Variants in IPO11 observed in about 807,000 individuals in gnomAD.
IPO11 encodes the protein importin-11.
Under a neutral mutation model 143.2 loss-of-function variants are expected in IPO11, and 66 were observed. The observed-to-expected ratio is 0.46, with a 90% CI of 0.38 to 0.57. The LOEUF (loss-of-function observed/expected upper bound fraction) is 0.57. IPO11 is among the 20% of genes least tolerant of loss of function. The pLI, the probability that IPO11 is intolerant of heterozygous loss-of-function variation, is 0.00. For synonymous variants in IPO11, 385 were observed against 377.8 expected (o/e 1.02, Z -0.22); for missense variants, 1,026 against 1,141.0 (o/e 0.90, Z 1.45).
At chr5:62,496,688 C>CATGT (rs1233467506) in intron 16 of IPO11, among the ~76,000 whole-genome samples, 3 of 152,040 alleles carry the variant, frequency 2.0e-5, no homozygotes, top group Non-Finnish European at 4.4e-5. Context: ...CATATAGAGA[C>CATGT]ATGTATGTAT....
At chr5:62,435,112 A>ATG (rs1744140948) in intron 1 of IPO11, among the ~76,000 whole-genome samples, 2 of 78,488 alleles carry the variant, frequency 2.5e-5, no homozygotes, top group African/African-American at 5.2e-5. Context: ...ATATATATGT[A>ATG]TATATGTATA....
intron 21 of IPO11, among the ~76,000 whole-genome samples, chr5:62,529,302 TATG>T (rs1362239499): frequency 1.3e-5 from 2 of 152,134 alleles, no homozygotes; most frequent in African/African-American, 2.4e-5. Flanking sequence ...TTAAATGTAA[TATG>T]ATCATTTAAA....
intron 1 of IPO11, among the ~76,000 whole-genome samples, chr5:62,416,989 T>A (rs1038880069): frequency 1.3e-5 from 2 of 152,148 alleles, no homozygotes; most frequent in African/African-American, 4.8e-5. Context: ...GGCCTTGGCC[T>A]CCTGAAGTGT....
At chr5:62,419,004 A>G in intron 1 of IPO11, 2 of 1,549,514 alleles carry the variant, frequency 1.3e-6, no homozygotes, top group Non-Finnish European at 1.7e-6. Flanking sequence ...CATCATATGA[A>G]CAAACCTAGA....
chr5:62,596,862 C>G (rs1284007152), intron 28 of IPO11, among the ~76,000 whole-genome samples: 2 of 152,196 alleles, frequency 1.3e-5, no homozygotes, highest in East Asian at 1.9e-4. Context: ...CCAGCTTTCT[C>G]TCTTGTCTCC....
At chr5:62,415,733 G>C (rs1243731453) in intron 1 of IPO11, among the ~76,000 whole-genome samples, 1 of 151,964 alleles carries the variant, frequency 6.6e-6, no homozygotes, top group African/African-American at 2.4e-5. Flanking sequence ...CTCCCAAAGT[G>C]CTGGGATTAC....
At position 62,556,314 on chromosome 5, in the gene IPO11, G is replaced by T. The variant is rs544612409; in HGVS notation, c.2461-4822G>T. Among the ~76,000 whole-genome samples, 3 of 152,250 alleles carry T rather than the reference G, an allele frequency of 2.0e-5. No individual in the cohort carries two copies. The East Asian group carries it at 5.8e-4, about 29-fold the overall frequency. On this transcript the variant is annotated intron_variant, in intron 26 of 29. Transcript: ENST00000325324. ...CTCTCCAGTCTGGGTGATAGAGTGAGACTCTGTCTCAAAAATAAGTAAATA... is the reference window on the plus strand; with the variant it reads ...CTCTCCAGTCTGGGTGATAGAGTGATACTCTGTCTCAAAAATAAGTAAATA...
At chr5:62,593,614 A>G (rs1001532575) in intron 28 of IPO11, among the ~76,000 whole-genome samples, 2 of 152,206 alleles carry the variant, frequency 1.3e-5, no homozygotes, top group African/African-American at 4.8e-5. Flanking sequence ...AAGAGGGAAT[A>G]TGTTGGAAGT....
chr5:62,452,759 T>C (rs567834121), intron 5 of IPO11, among the ~76,000 whole-genome samples: 5 of 114,970 alleles, frequency 4.3e-5, no homozygotes, highest in Non-Finnish European at 5.2e-5. Context: ...TGTGTGTGTG[T>C]GCACGCATTT....
intron 9 of IPO11, among the ~76,000 whole-genome samples, chr5:62,477,187 C>T (rs530785317): frequency 3.9e-5 from 6 of 152,166 alleles, no homozygotes; most frequent in East Asian, 1.9e-4. Flanking sequence ...ATAGGGGGTG[C>T]GCTGTGGTAG....
At chr5:62,450,278 A>C (rs542679729) in intron 4 of IPO11, among the ~76,000 whole-genome samples, 3 of 152,282 alleles carry the variant, frequency 2.0e-5, no homozygotes, top group East Asian at 1.9e-4. Context: ...AAATCTCTCT[A>C]TATAGTCACG....
chr5:62,566,500 A>G (rs1743944147), intron 27 of IPO11, among the ~76,000 whole-genome samples: 1 of 152,080 alleles, frequency 6.6e-6, no homozygotes, highest in Non-Finnish European at 1.5e-5. Flanking sequence ...TGGGAGGCCG[A>G]GGCAGGCAGA....
chr5:62,580,012 A>G (rs751909556), intron 27 of IPO11: 13 of 1,551,232 alleles, frequency 8.4e-6, no homozygotes, highest in Non-Finnish European at 1.1e-5. Flanking sequence ...AAACAATAAC[A>G]TTTTGAGGAT....
chr5:62,473,814 G>T (rs1330432065), intron 7 of IPO11, among the ~76,000 whole-genome samples: 1 of 151,538 alleles, frequency 6.6e-6, no homozygotes, highest in African/African-American at 2.4e-5. Flanking sequence ...CTTAGAATAT[G>T]TTTTCAAAAA....
chr5:62,481,135 G>A (rs1427612982), intron 9 of IPO11, among the ~76,000 whole-genome samples: 2 of 151,778 alleles, frequency 1.3e-5, no homozygotes, highest in Non-Finnish European at 2.9e-5. Context: ...AGCCAGGATG[G>A]TCTCGATCTC....
rs756194910 is a variant in IPO11, at chr5:62,515,402, G to A, written c.1797G>A (p.Val599=). 31 of 1,606,294 alleles carry A rather than the reference G, an allele frequency of 1.9e-5. No individual in the cohort carries two copies. Among genetic ancestry groups the A allele is most frequent in the Non-Finnish European group, 2.3e-5 (27 of 1,177,460 alleles). Residue 599 remains valine, a synonymous_variant, in exon 20 of 30, where the codon GTG becomes GTA. Coordinates refer to ENST00000325324, the MANE Select transcript of IPO11 (RefSeq NM_016338.5). ...TATTGTAATAGATACGACCATATGTGGGATGTTTGGTACAATATTTGCCCC... is the reference window on the plus strand; with the variant it reads ...TATTGTAATAGATACGACCATATGTAGGATGTTTGGTACAATATTTGCCCC... ...ERVNMQIRPY[V]GCLVQYLPLL... is the part of the protein sequence containing the mutation.
At position 62,590,460 on chromosome 5, in the gene IPO11, A is replaced by G. The variant is rs540026433; in HGVS notation, c.2583-1117A>G. ...TACCCTAACTTGACCTACTTCCTGT[A>G]TTTAAAATGTAATAATGCAAGAATG... On this transcript the variant is annotated intron_variant, in intron 27 of 29. Transcript: ENST00000325324. Among the ~76,000 whole-genome samples the G allele has an allele frequency of 2.6e-5, 4 of 152,312 alleles. No homozygotes were observed. The East Asian group carries it at 7.7e-4, about 29-fold the overall frequency.
intron 29 of IPO11, among the ~76,000 whole-genome samples, chr5:62,620,252 C>A (rs1017558630): frequency 6.6e-6 from 1 of 151,808 alleles, no homozygotes; most frequent in Non-Finnish European, 1.5e-5. Context: ...GGGCGCGATG[C>A]CTCACGCCTG....
chr5:62,463,494 T>C (rs939990574), intron 5 of IPO11, among the ~76,000 whole-genome samples: 4 of 151,760 alleles, frequency 2.6e-5, no homozygotes, highest in African/African-American at 9.7e-5. Context: ...TGAGATCCTA[T>C]CTCTACAAAA....
Sources: allele counts gnomAD v4.1 joint callset (sites outside exome capture counted in the v4.1 genomes callset), GRCh38; gene constraint gnomAD v4.1.1; transcripts MANE v1.5; gene names NCBI Gene and HGNC (gene_info 2026-07-23, HGNC 2026-07-21).